The following THAP4 variants were observed in gnomAD, a reference collection of about 807,000 sequenced individuals.
THAP4 encodes peroxynitrite isomerase THAP4.
In THAP4, 18 loss-of-function variants were observed where a neutral mutation model predicts 48.1. That is an observed-to-expected ratio of 0.37 (90% confidence interval 0.26 to 0.56). The LOEUF (loss-of-function observed/expected upper bound fraction) is 0.56. Among genes scored for constraint, THAP4 ranks in the 20% least tolerant of loss-of-function variants. The probability of loss-of-function intolerance (pLI) is 0.78; values close to 1 mark genes in which losing one functional copy is unlikely to be tolerated. For missense variants in THAP4, 656 were observed against 774.9 expected (o/e 0.85, Z 1.82); for synonymous variants, 345 against 324.9 (o/e 1.06, Z -0.66).
chr2:241,630,265 C>T (rs144860615), intron 2 of THAP4, among the ~76,000 whole-genome samples: 1 of 152,056 alleles, frequency 6.6e-6, no homozygotes, highest in Non-Finnish European at 1.5e-5. Flanking sequence ...ATCCATGGCA[C>T]GCAGCCCAAG....
At chr2:241,626,625 G>A (rs1194623681) in intron 2 of THAP4, among the ~76,000 whole-genome samples, 2 of 151,360 alleles carry the variant, frequency 1.3e-5, no homozygotes, top group Non-Finnish European at 2.9e-5. Flanking sequence ...GTGCAGTGGC[G>A]TGATCTCGAC....
In THAP4 at chr2:241,613,049, C is replaced by CT. The variant is rs568615969; in HGVS notation, c.1241-6577dup. ...TTATTAAAATCGATTTCACTTGTTT[C>CT]TTTTTACCTTTTTAATGTAGCTATT... On this transcript the variant is annotated intron_variant, in intron 2 of 5. Coordinates refer to ENST00000407315, the MANE Select transcript of THAP4 (RefSeq NM_015963.6). Among the ~76,000 whole-genome samples, 496 of 152,242 alleles carry CT rather than the reference C, an allele frequency of 3.3e-3. 1 individual carries two copies. Among genetic ancestry groups the CT allele is most frequent in the Non-Finnish European group, 5.5e-3 (372 of 67,990 alleles).
At chr2:241,605,559 G>A (rs1221562512) in intron 3 of THAP4, among the ~76,000 whole-genome samples, 1 of 152,148 alleles carries the variant, frequency 6.6e-6, no homozygotes, top group Non-Finnish European at 1.5e-5. Context: ...CAGGTGGTGG[G>A]AAGGGATACT....
chr2:241,593,790 G>A (rs1303343866), intron 5 of THAP4, among the ~76,000 whole-genome samples: 1 of 152,124 alleles, frequency 6.6e-6, no homozygotes, highest in Non-Finnish European at 1.5e-5. Flanking sequence ...AGGCTCAAGC[G>A]ATTCTCCCAC....
intron 2 of THAP4, among the ~76,000 whole-genome samples, chr2:241,606,984 G>A (rs2067192530): frequency 6.6e-6 from 1 of 152,124 alleles, no homozygotes; most frequent in Non-Finnish European, 1.5e-5. Context: ...GAGCATCAGG[G>A]AGAAAATGAA....
rs1030754273 is a variant in THAP4, at chr2:241,616,364, G to A, written c.1241-9891C>T. On this transcript the variant is annotated intron_variant, in intron 2 of 5. Transcript: ENST00000407315. The surrounding 1 kb of genome is among the most constrained non-coding windows in gnomAD (Gnocchi z 4.6). Reference sequence around the variant, plus strand: ...GTGCAGGCGCACGAGAGCTGAGGGCGAGCCCTGGCATCAGGACCAGAGAGG... The same window carrying A: ...GTGCAGGCGCACGAGAGCTGAGGGCAAGCCCTGGCATCAGGACCAGAGAGG... Among the ~76,000 whole-genome samples, 6 of 152,200 alleles carry A rather than the reference G, an allele frequency of 3.9e-5. No individual in the cohort carries two copies. Among genetic ancestry groups the A allele is most frequent in the Admixed American group, 2.6e-4 (4 of 15,288 alleles).
At chr2:241,598,170 C>T (rs561963056) in intron 5 of THAP4, among the ~76,000 whole-genome samples, 3 of 152,246 alleles carry the variant, frequency 2.0e-5, no homozygotes, top group South Asian at 4.1e-4. Flanking sequence ...TGCAGGAGAA[C>T]ATGAATTTGC....
Position 241,629,386 on chromosome 2 carries a change from G to A in THAP4, c.1240+3531C>T, listed in dbSNP as rs188848355. ...CTCGAGAGGCTGAGGTGGGAGGATGGCTTGAGCCCAGGAGGTCAAGGCTGC... is the reference window on the plus strand; with the variant it reads ...CTCGAGAGGCTGAGGTGGGAGGATGACTTGAGCCCAGGAGGTCAAGGCTGC... On this transcript the variant is annotated intron_variant, in intron 2 of 5. Transcript: ENST00000407315. Among the ~76,000 whole-genome samples the A allele has an allele frequency of 2.3e-3, 342 of 151,762 alleles. 2 individuals are homozygous for A. The highest frequency in any genetic ancestry group is 8.1e-3 in the African/African-American group (334 of 41,356).
chr2:241,634,762 C>T (rs1277901482), intron 1 of THAP4, among the ~76,000 whole-genome samples: 1 of 152,206 alleles, frequency 6.6e-6, no homozygotes, highest in Non-Finnish European at 1.5e-5. Flanking sequence ...TTCGAAGTTA[C>T]AGTGAGCTAA....
At chr2:241,635,032 G>A (rs370529457) in intron 1 of THAP4, among the ~76,000 whole-genome samples, 9 of 152,190 alleles carry the variant, frequency 5.9e-5, no homozygotes, top group African/African-American at 1.4e-4. Flanking sequence ...CAGAGATTCC[G>A]CTTTACAAAA....
At chr2:241,596,305 G>A (rs912088781) in intron 5 of THAP4, among the ~76,000 whole-genome samples, 1 of 151,936 alleles carries the variant, frequency 6.6e-6, no homozygotes, top group African/African-American at 2.4e-5. Flanking sequence ...TCAGGAGTTT[G>A]AGAACAGCCT....
chr2:241,618,362 C>T (rs957765500), intron 2 of THAP4, among the ~76,000 whole-genome samples: 2 of 152,178 alleles, frequency 1.3e-5, no homozygotes, highest in African/African-American at 4.8e-5. Context: ...TTGATTTCCT[C>T]GTTAATCTGA....
chr2:241,622,055 T>C (rs1296250425), intron 2 of THAP4, among the ~76,000 whole-genome samples: 1 of 152,116 alleles, frequency 6.6e-6, no homozygotes, highest in Non-Finnish European at 1.5e-5. Context: ...TTTCTAAATC[T>C]CTGAAAAAGA....
chr2:241,607,173 T>C (rs1339584784), intron 2 of THAP4, among the ~76,000 whole-genome samples: 1 of 151,816 alleles, frequency 6.6e-6, no homozygotes, highest in East Asian at 1.9e-4. Flanking sequence ...TCCCACTAAG[T>C]GTGAAGGATG....
chr2:241,632,927 C>A lies in THAP4; in HGVS notation c.1230G>T (p.Ser410=). ...GGCTCCGGTACTGACCGCGGCTGGG[C>A]GACAGCAGGCTACTTGGATAGGGGA... The part of the protein sequence containing the change: ...VSVPYPSSLL[S]PSREPPKMNP... The change falls in exon 2 of 6, where the codon TCG becomes TCT. Residue 410 remains serine, a synonymous_variant. Coordinates refer to ENST00000407315, the MANE Select transcript of THAP4 (RefSeq NM_015963.6). 6.3e-7 allele frequency: 1 copy of A among 1,599,060 alleles called. No homozygotes were observed. Among genetic ancestry groups the A allele is most frequent in the Non-Finnish European group, 8.5e-7 (1 of 1,172,214 alleles).
intron 2 of THAP4, among the ~76,000 whole-genome samples, chr2:241,627,407 G>A (rs1307067168): frequency 6.6e-6 from 1 of 152,236 alleles, no homozygotes; most frequent in Admixed American, 6.5e-5. Flanking sequence ...AACTCAGTGG[G>A]CAAGCAAGAC....
intron 5 of THAP4, among the ~76,000 whole-genome samples, chr2:241,596,792 C>T (rs1207581737): frequency 3.9e-5 from 6 of 151,926 alleles, no homozygotes; most frequent in South Asian, 2.1e-4. Flanking sequence ...GGCCACAAAG[C>T]GAGACTCCGT....
rs1449960680 is a variant in THAP4 at position 241,633,447 on chromosome 2, G to A, written c.710C>T (p.Ser237Leu). ...GACKFIGSLH[S>L]YSFSSKHTRE... ...GGTGTGCTTAGAGGAGAAACTGTACGAATGAAGTGAGCCGATAAATTTGCA... is the reference window on the plus strand; with the variant it reads ...GGTGTGCTTAGAGGAGAAACTGTACAAATGAAGTGAGCCGATAAATTTGCA... The change falls in exon 2 of 6, where the codon TCG becomes TTG. Residue 237 changes from serine to leucine, a missense_variant. Physicochemically the swap from Ser to Leu is moderately radical, Grantham distance 145. Transcript: ENST00000407315. This position sits in a 1 kb window ranked among gnomAD's most constrained non-coding sequence, Gnocchi z 7.5. The A allele has an allele frequency of 3.1e-6, 5 of 1,614,026 alleles. No homozygotes were observed. Among genetic ancestry groups the A allele is most frequent in the South Asian group, 1.1e-5 (1 of 91,074 alleles).
At chr2:241,626,175 G>A (rs2067494216) in intron 2 of THAP4, among the ~76,000 whole-genome samples, 1 of 152,202 alleles carries the variant, frequency 6.6e-6, no homozygotes, top group African/African-American at 2.4e-5. Context: ...CAGCTTGGTG[G>A]CTCACGCCTG....
Sources: allele counts gnomAD v4.1 joint callset (sites outside exome capture counted in the v4.1 genomes callset), GRCh38; gene constraint gnomAD v4.1.1; non-coding constraint Gnocchi (gnomAD v3.1); transcripts MANE v1.5; gene names NCBI Gene and HGNC (gene_info 2026-07-23, HGNC 2026-07-21).